Variants in WDFY3 observed in about 807,000 individuals in gnomAD.
WDFY3 encodes WD repeat and FYVE domain-containing protein 3.
Under a neutral mutation model 409.6 loss-of-function variants are expected in WDFY3, and 66 were observed. The observed-to-expected ratio is 0.16, with a 90% confidence interval of 0.13 to 0.20. The LOEUF (loss-of-function observed/expected upper bound fraction) is 0.20. WDFY3 is among the 10% of genes least tolerant of loss of function. The pLI is 1.00. For synonymous variants in WDFY3, 1,521 were observed against 1,537.1 expected, an observed-to-expected ratio of 0.99 and a Z score of 0.25; for missense variants, 3,031 against 4,298.1, an observed-to-expected ratio of 0.71 and a Z score of 8.24.
Position 84,780,311 on chromosome 4 carries a change from T to G in WDFY3, c.4175-13A>C. On this transcript the variant is annotated splice_polypyrimidine_tract_variant and intron_variant, in intron 25 of 67. Coordinates refer to ENST00000295888, the MANE Select transcript of WDFY3 (RefSeq NM_014991.6). ...AATGTTCTTACTCCTGATTAAAAGA[T>G]AGTGAAAAATAATTAAGATAAATTC... is the stretch of plus-strand genomic sequence containing the variant. 2 of 1,590,230 alleles carry G rather than the reference T, an allele frequency of 1.3e-6. No homozygotes were observed. Among genetic ancestry groups the G allele is most frequent in the Non-Finnish European group, 1.7e-6 (2 of 1,168,832 alleles).
intron 32 of WDFY3, among the ~76,000 whole-genome samples, chr4:84,764,834 C>T (rs1003499521): frequency 2.7e-5 from 4 of 149,082 alleles, no homozygotes; most frequent in African/African-American, 9.9e-5. Flanking sequence ...CACTGCACTC[C>T]AGCCTGGGCG....
chr4:84,742,502 T>A (rs369241526), intron 37 of WDFY3, among the ~76,000 whole-genome samples: 6 of 152,220 alleles, frequency 3.9e-5, no homozygotes, highest in African/African-American at 1.4e-4. Context: ...TTCAGACTAA[T>A]CCTCCTAGCT....
chr4:84,803,602 T>C (rs1051113311), intron 15 of WDFY3, 135 bp from the exon 16 acceptor site: 4 of 953,722 alleles, frequency 4.2e-6, no homozygotes, highest in Non-Finnish European at 6.2e-6. Context: ...AAAAGGAATA[T>C]ATTATCAACT....
intron 2 of WDFY3, among the ~76,000 whole-genome samples, chr4:84,911,625 T>C (rs1767806537): frequency 6.6e-6 from 1 of 152,206 alleles, no homozygotes; most frequent in Admixed American, 6.5e-5. Flanking sequence ...AATAAATATA[T>C]TTGAAATTTT....
At chr4:84,805,267 GGTCCCAA>G (rs535548211) in intron 15 of WDFY3, among the ~76,000 whole-genome samples, 155 of 152,044 alleles carry the variant, frequency 1.0e-3, no homozygotes, top group Non-Finnish European at 1.6e-3. Context: ...AAACAATTCT[GGTCCCAA>G]GTATTTTGGA....
Position 84,695,509 on chromosome 4 carries a change from TAGAGAGAGAGAGAGAGAG to T in WDFY3, c.8901+443_8901+460del, listed in dbSNP as rs869147060. Among the ~76,000 whole-genome samples the T allele has an allele frequency of 6.3e-4, 68 of 107,358 alleles. 1 individual carries two copies. In the South Asian group the frequency reaches 0.02, roughly 32 times the overall value. The allele number at this position is 107,358 out of a possible 152,430, so 70.4% of individuals were successfully genotyped here. A position where few individuals can be genotyped will look rare whatever the true frequency, so the allele number is the denominator to read the frequency against. On this transcript the variant is annotated intron_variant, in intron 58 of 67. Transcript: ENST00000295888. ...ACACACACACAGAGACAGAGAGAGA[TAGAGAGAGAGAGAGAGAG>T]AGAGAGAGAGAGAGAGAGAGAGAGA...
Position 84,786,212 on chromosome 4 carries a change from A to G in WDFY3, c.3902-73T>C, listed in dbSNP as rs1474791114. On this transcript the variant is annotated intron_variant, in intron 23 of 67. Transcript: ENST00000295888. ...TTAAAGTAAGTTTTTTATTCTTACT[A>G]TCATTTTTAAATGAGGAGGCTTGAA... The G allele has an allele frequency of 2.1e-6, 3 of 1,423,354 alleles. No individual in the cohort carries two copies. The African/African-American group carries it at 4.4e-5, about 21-fold the overall frequency. The allele number at this position is 1,423,354 out of a possible 1,614,324, so 88.2% of individuals were successfully genotyped here.
rs766162300 is a variant in WDFY3 at position 84,817,596 on chromosome 4, G to A, written c.1694-11C>T. On this transcript the variant is annotated splice_polypyrimidine_tract_variant and intron_variant, in intron 12 of 67. Coordinates refer to ENST00000295888, the MANE Select transcript of WDFY3 (RefSeq NM_014991.6). ...ATTCTCGAAAAATTCCTTGAAGGAA[G>A]GAGAAAAAGTCCAACAATGGCTACT... 6.3e-7 allele frequency: 1 copy of A among 1,584,780 alleles called. No individual in the cohort carries two copies.
At chr4:84,759,886 T>C in intron 32 of WDFY3, among the ~76,000 whole-genome samples, 1 of 149,378 alleles carries the variant, frequency 6.7e-6, no homozygotes, top group Non-Finnish European at 1.5e-5. Context: ...TGTGCCAGTT[T>C]TCAAAGGGAA....
chr4:84,803,218 T>A, intron 16 of WDFY3, 72 bp downstream of exon 16: 1 of 1,439,764 alleles, frequency 6.9e-7, no homozygotes, highest in Non-Finnish European at 9.2e-7. Flanking sequence ...ACCCCCTAGC[T>A]CATATAATCA....
chr4:84,677,632 A>C (rs1041816356), intron 66 of WDFY3, among the ~76,000 whole-genome samples: 2 of 152,200 alleles, frequency 1.3e-5, no homozygotes, highest in African/African-American at 4.8e-5. Context: ...TTTGAAGAAC[A>C]GAAAAAGCAG....
At chr4:84,944,838 G>A (rs1030629957) in intron 1 of WDFY3, among the ~76,000 whole-genome samples, 4 of 152,044 alleles carry the variant, frequency 2.6e-5, no homozygotes, top group Admixed American at 6.6e-5. Flanking sequence ...TATAGTCACT[G>A]GATGTGGCTG....
chr4:84,806,488 A>G (rs1246490444), intron 15 of WDFY3, among the ~76,000 whole-genome samples: 1 of 152,202 alleles, frequency 6.6e-6, no homozygotes, highest in Non-Finnish European at 1.5e-5. Flanking sequence ...TTATCTCTAC[A>G]TGGAGCTACA....
At chr4:84,858,844 G>T (rs1212685533) in intron 4 of WDFY3, among the ~76,000 whole-genome samples, 1 of 151,958 alleles carries the variant, frequency 6.6e-6, no homozygotes, top group Non-Finnish European at 1.5e-5. Context: ...CTGGAAAAAG[G>T]GGAGAAGAAA....
chr4:84,837,116 G>T, intron 6 of WDFY3, 26 bp from the exon 7 acceptor site: 1 of 1,459,200 alleles, frequency 6.9e-7, no homozygotes, highest in South Asian at 1.6e-5. Context: ...ATAAATAAGT[G>T]AATAGATAGA....
In WDFY3 at chr4:84,821,277, G is replaced by T; in HGVS notation, c.1398C>A (p.Val466=). The change falls in exon 11 of 68, where the codon GTC becomes GTA. Residue 466 remains valine, a synonymous_variant. Transcript: ENST00000295888. ...NYIPCKELIS[V]SILLKSSSSY... is the part of the protein sequence containing the mutation. ...AAGAGCTAGATTTTAAGAGGATACT[G>T]ACACTAATAAGTTCTTTACAAGGTA... 6.2e-7 allele frequency: 1 copy of T among 1,613,694 alleles called. No individual in the cohort carries two copies. Among genetic ancestry groups the T allele is most frequent in the South Asian group, 1.1e-5 (1 of 91,076 alleles).
intron 44 of WDFY3, among the ~76,000 whole-genome samples, chr4:84,731,789 T>C (rs1031028127): frequency 6.6e-6 from 1 of 152,200 alleles, no homozygotes; most frequent in African/African-American, 2.4e-5. Context: ...GAAAGGAGTA[T>C]AGATAAAACA....
intron 13 of WDFY3, among the ~76,000 whole-genome samples, chr4:84,811,512 T>C (rs563021302): frequency 5.6e-4 from 85 of 152,264 alleles, no homozygotes; most frequent in Non-Finnish European, 9.8e-4. Flanking sequence ...ACTTATAAAA[T>C]GGTAAAGGTA....
rs1447150006 is a variant in WDFY3 at position 84,787,583 on chromosome 4, G to A, written c.3800C>T (p.Pro1267Leu). 6.2e-7 allele frequency: 1 copy of A among 1,614,088 alleles called. No homozygotes were observed. The highest frequency in any genetic ancestry group is 1.1e-5 in the South Asian group (1 of 91,074). The change falls in exon 23 of 68, where the codon CCC (proline) becomes CTC (leucine). Residue 1267 changes from proline to leucine, a missense_variant. Coordinates refer to ENST00000295888, the MANE Select transcript of WDFY3 (RefSeq NM_014991.6). ...TAAAACTTCTTCTAGAAAATGTGTG[G>A]GTCCCAGGCGCCAAACCAATGAGGC... ...QIASLVWRLGPTHFLEEVLPS... is the reference protein window; with the variant it reads ...QIASLVWRLGLTHFLEEVLPS...
Sources: allele counts gnomAD v4.1 joint callset (sites outside exome capture counted in the v4.1 genomes callset), GRCh38; gene constraint gnomAD v4.1.1; transcripts MANE v1.5; gene names NCBI Gene and HGNC (gene_info 2026-07-23, HGNC 2026-07-21).